The following DET1 variants were observed in gnomAD, a reference collection of about 807,000 sequenced individuals.
The protein encoded by DET1 is DET1 partner of COP1 E3 ubiquitin ligase.
In DET1, 22 loss-of-function variants were observed where a neutral mutation model predicts 43.7. The ratio of observed to expected loss-of-function variants is 0.50; its 90% confidence interval spans 0.36 to 0.72. The LOEUF is 0.72. Among genes scored for constraint, DET1 ranks in the 30% least tolerant of loss-of-function variants. DET1 has a pLI of 0.00. For missense variants in DET1, 713 were observed against 713.3 expected (o/e 1.00, Z 0.00); for synonymous variants, 315 against 266.2 (o/e 1.18, Z -1.79).
Position 88,530,993 on chromosome 15 carries a change from G to T in DET1, c.713C>A (p.Thr238Asn). Residue 238 changes from threonine (T) to asparagine (N), a missense_variant, in exon 2 of 5, where the codon ACC (threonine) becomes AAC (asparagine). By Grantham distance (65) the Thr-to-Asn change is moderately conservative. Transcript: ENST00000268148. ...AGGAGTCACCTGGAAGACATGGATG[G>T]TCTGTTGTTGCACAGACAAGATGGC... is the stretch of plus-strand genomic sequence containing the variant. Reference protein sequence around the residue: ...ILAILSVQQQTIHVFQVTPEG... With the variant: ...ILAILSVQQQNIHVFQVTPEG... The T allele has an allele frequency of 1.2e-6, 2 of 1,613,866 alleles. No individual in the cohort carries two copies. The highest frequency in any genetic ancestry group is 1.7e-6 in the Non-Finnish European group (2 of 1,179,836).
chr15:88,504,934 A>G lies in DET1; in HGVS notation c.*2066-947T>C, dbSNP rs1020043538. The G allele has an allele frequency of 3.3e-5, 5 of 152,240 alleles. No homozygotes were observed. Among genetic ancestry groups the G allele is most frequent in the African/African-American group, 4.8e-5 (2 of 41,454 alleles). 9.4% of individuals were successfully genotyped at this position (152,240 alleles called of 1,614,324 possible). A position where few individuals can be genotyped will look rare whatever the true frequency, so the allele number is the denominator to read the frequency against. ...CTTCAATTTCTAGGGACCTATGCGTATAACAAATTTCTTTCTTCATGACAG... is the reference window on the plus strand; with the variant it reads ...CTTCAATTTCTAGGGACCTATGCGTGTAACAAATTTCTTTCTTCATGACAG... On this transcript the variant is annotated intron_variant and NMD_transcript_variant, in intron 7 of 8. Transcript: ENST00000557842. This position sits in a 1 kb window ranked among gnomAD's most constrained non-coding sequence, Gnocchi z 4.7.
intron 2 of DET1, 138 bp from the exon 3 acceptor site, chr15:88,527,924 CA>C: frequency 2.0e-6 from 1 of 503,102 alleles, no homozygotes; most frequent in Non-Finnish European, 3.2e-6. Flanking sequence ...CAACAACAAG[CA>C]AACACCTCGG....
rs2056237254 is a variant in DET1, at chr15:88,513,089, T to G, written c.1515A>C (p.Leu505Phe). ...GLLKFEIQAG[L>F]LGRPINHTVR... ...CTGTGTGGTTGATGGGGCGGCCCAA[T>G]AACCCCGCCTGGATCTCAAACTTGA... The change falls in exon 5 of 5, where the codon TTA (leucine) becomes TTC (phenylalanine). Residue 505 changes from leucine to phenylalanine, a missense_variant. Leu to Phe is a conservative substitution (Grantham distance 22). Transcript: ENST00000268148. 1.2e-6 allele frequency: 2 copies of G among 1,613,930 alleles called. No individual in the cohort carries two copies. Among genetic ancestry groups the G allele is most frequent in the Admixed American group, 1.7e-5 (1 of 60,020 alleles).
chr15:88,523,049 A>T (rs12902405), intron 3 of DET1, among the ~76,000 whole-genome samples: 105,003 of 151,402 alleles, frequency 0.69, 36,634 homozygotes, highest in South Asian at 0.8. Flanking sequence ...CACCCAGCTA[A>T]TTTTTTTGTT....
intron 1 of DET1, among the ~76,000 whole-genome samples, chr15:88,540,941 G>C (rs1369762581): frequency 1.4e-5 from 1 of 72,076 alleles, no homozygotes; most frequent in East Asian, 3.9e-4. Flanking sequence ...GGAAGGGAAA[G>C]ACCTGACCGT....
chr15:88,521,046 TAA>T (rs1402696801), intron 3 of DET1, among the ~76,000 whole-genome samples: 1 of 152,298 alleles, frequency 6.6e-6, no homozygotes, highest in Non-Finnish European at 1.5e-5. Flanking sequence ...CATCTATAGT[TAA>T]AGCCAAAGCC....
chr15:88,506,390 A>G (rs1369669719), intron 7 of DET1, among the ~76,000 whole-genome samples: 2 of 151,904 alleles, frequency 1.3e-5, no homozygotes, highest in African/African-American at 2.4e-5. Flanking sequence ...TGCCTCCTAC[A>G]CTAGTAATCA....
chr15:88,536,327 C>T, intron 1 of DET1: 2 of 779,376 alleles, frequency 2.6e-6, no homozygotes, highest in Non-Finnish European at 4.8e-6. Context: ...TAGTATCTGT[C>T]CCACCATACC....
At chr15:88,525,936 A>G (rs1363822696) in intron 3 of DET1, among the ~76,000 whole-genome samples, 1 of 149,836 alleles carries the variant, frequency 6.7e-6, no homozygotes, top group East Asian at 1.9e-4. Flanking sequence ...TTGGACTTCC[A>G]AAGTGTTGGG....
chr15:88,511,531 C>A, downstream of DET1: 1 of 985,594 alleles, frequency 1.0e-6, no homozygotes. Flanking sequence ...AACTCCAGTG[C>A]TCTTCCACAG....
chr15:88,530,569 T>C (rs907215935), intron 2 of DET1, 54 bp downstream of exon 2: 3 of 1,529,742 alleles, frequency 2.0e-6, no homozygotes, highest in African/African-American at 1.4e-5. Context: ...CAGAGAAACC[T>C]TCCCATTTTG....
intron 3 of DET1, among the ~76,000 whole-genome samples, chr15:88,517,985 G>A (rs1450911733): frequency 6.6e-6 from 1 of 152,086 alleles, no homozygotes; most frequent in African/African-American, 2.4e-5. Context: ...TGCCCAGGCT[G>A]GAGGGCAGTG....
chr15:88,530,358 G>T (rs1448938146), intron 2 of DET1, among the ~76,000 whole-genome samples: 2 of 152,264 alleles, frequency 1.3e-5, no homozygotes, highest in East Asian at 3.9e-4. Context: ...CATCTCATGA[G>T]TACTGAAAAT....
intron 1 of DET1, among the ~76,000 whole-genome samples, chr15:88,546,081 C>A (rs1001501377): frequency 1.3e-5 from 2 of 152,084 alleles, no homozygotes; most frequent in African/African-American, 4.8e-5. Context: ...CCCCCCTCCC[C>A]TTCCTAAACC....
In DET1 at chr15:88,516,989, G is replaced by A. The variant is rs145071287; in HGVS notation, c.1272-16C>T. The A allele has an allele frequency of 1.5e-4, 232 of 1,548,162 alleles. No homozygotes were observed. In the East Asian group the frequency reaches 2.6e-3, roughly 17 times the overall value. On this transcript the variant is annotated splice_polypyrimidine_tract_variant and intron_variant, in intron 3 of 4. Transcript: ENST00000268148. This position sits in a 1 kb window ranked among gnomAD's most constrained non-coding sequence, Gnocchi z 4.4. Reference sequence around the variant, plus strand: ...GTCTTTGAACCTAAATGAAAGGACCGGTGAGGAAGGCTTTGTTAGTGAGTA... The same window carrying A: ...GTCTTTGAACCTAAATGAAAGGACCAGTGAGGAAGGCTTTGTTAGTGAGTA...
downstream of DET1, among the ~76,000 whole-genome samples, chr15:88,507,773 G>C (rs1313644750): frequency 1.3e-5 from 2 of 152,216 alleles, no homozygotes; most frequent in Non-Finnish European, 2.9e-5. Flanking sequence ...TCTGGATGCA[G>C]GGAAGAGGAG....
chr15:88,522,659 C>T (rs1325786124), intron 3 of DET1, among the ~76,000 whole-genome samples: 1 of 151,338 alleles, frequency 6.6e-6, no homozygotes, highest in Non-Finnish European at 1.5e-5. Flanking sequence ...CAGGCGCCCG[C>T]CATCACACAC....
At chr15:88,515,865 G>A (rs2056331484) in intron 4 of DET1, among the ~76,000 whole-genome samples, 1 of 152,074 alleles carries the variant, frequency 6.6e-6, no homozygotes, top group East Asian at 1.9e-4. Context: ...TGTTGAAGTG[G>A]GTGATGGGTA....
chr15:88,531,865 T>A lies in DET1; in HGVS notation c.-10-150A>T, dbSNP rs1189216537. On this transcript the variant is annotated intron_variant, in intron 1 of 4. Coordinates refer to ENST00000268148, the MANE Select transcript of DET1 (RefSeq NM_001144074.3). The surrounding 1 kb of genome is among the most constrained non-coding windows in gnomAD (Gnocchi z 6.2). ...ACTGGCATTACTACTTCCCAGATTATACTGAGTAAGTGGTCCTAACATTTC... is the reference window on the plus strand; with the variant it reads ...ACTGGCATTACTACTTCCCAGATTAAACTGAGTAAGTGGTCCTAACATTTC... The A allele has an allele frequency of 4.0e-5, 29 of 729,992 alleles. No homozygotes were observed. Among genetic ancestry groups the A allele is most frequent in the Middle Eastern group, 3.9e-4 (1 of 2,578 alleles). The allele number at this position is 729,992 out of a possible 1,614,324, so 45.2% of individuals were successfully genotyped here.
Sources: gnomAD v4.1 joint callset for allele counts (sites outside exome capture counted in the v4.1 genomes callset) on GRCh38, gnomAD v4.1.1 for gene constraint, Gnocchi (gnomAD v3.1) non-coding constraint, MANE v1.5 for transcripts, NCBI Gene and HGNC (gene_info 2026-07-23, HGNC 2026-07-21) for gene names.